Variants in FBXO25 observed in about 807,000 individuals in gnomAD.
FBXO25 encodes F-box protein 25.
A neutral mutation model predicts 51.9 loss-of-function variants in FBXO25; 45 were observed. The observed-to-expected ratio is 0.87, with a 90% CI of 0.68 to 1.11. The LOEUF is 1.11. Ranked by LOEUF, FBXO25 falls within the 50% of genes most tolerant of loss-of-function variation. FBXO25 has a pLI of 0.00. For missense variants in FBXO25, 507 were observed against 428.5 expected (o/e 1.18, Z -1.62); for synonymous variants, 199 against 151.0 (o/e 1.32, Z -2.33).
rs773183517 is a variant in FBXO25, at chr8:451,307, C to G, written c.514C>G (p.Leu172Val). Residue 172 changes from leucine to valine, a missense_variant, in exon 7 of 10, where the codon CTT becomes GTT. Physicochemically the swap from Leu to Val is conservative, Grantham distance 32 (BLOSUM62 1). Transcript: ENST00000350302. ...DHHNPRLIKDLLQDLSSTLCI... is the reference protein window; with the variant it reads ...DHHNPRLIKDVLQDLSSTLCI... Reference sequence around the variant, plus strand: ...CCACAATCCTCGCTTAATCAAAGATCTTCTGCAAGACCTAAGCTCTACCCT... The same window carrying G: ...CCACAATCCTCGCTTAATCAAAGATGTTCTGCAAGACCTAAGCTCTACCCT... 2.5e-6 allele frequency: 4 copies of G among 1,610,570 alleles called. No individual in the cohort carries two copies. The highest frequency in any genetic ancestry group is 2.2e-5 in the East Asian group (1 of 44,818).
chr8:462,661 C>A (rs553504179), intron 8 of FBXO25, among the ~76,000 whole-genome samples: 2 of 151,844 alleles, frequency 1.3e-5, no homozygotes, highest in East Asian at 3.9e-4. Flanking sequence ...AACCAAATAT[C>A]ATATGTTCTC....
At chr8:438,723 C>G (rs187121632) in intron 5 of FBXO25, among the ~76,000 whole-genome samples, 322 of 152,318 alleles carry the variant, frequency 2.1e-3, no homozygotes, top group African/African-American at 7.4e-3. Flanking sequence ...GCTTTTCTAA[C>G]TTTCAAGAAA....
intron 5 of FBXO25, among the ~76,000 whole-genome samples, chr8:438,059 CTT>C (rs1416537152): frequency 4.9e-5 from 7 of 142,642 alleles, no homozygotes; most frequent in Admixed American, 1.4e-4. Context: ...TAATGTGTAT[CTT>C]TTTTTTTTTT....
intron 2 of FBXO25, among the ~76,000 whole-genome samples, chr8:419,991 A>G (rs1433936278): frequency 6.6e-6 from 1 of 152,196 alleles, no homozygotes; most frequent in Admixed American, 6.5e-5. Flanking sequence ...ACTTGCATGG[A>G]TTGCAGAGAA....
chr8:446,716 C>G (rs1385520519), intron 5 of FBXO25, among the ~76,000 whole-genome samples: 3 of 152,312 alleles, frequency 2.0e-5, no homozygotes, highest in African/African-American at 4.8e-5. Flanking sequence ...TTGGCCTAAC[C>G]TGATCTTATC....
rs1375435454 is a variant in FBXO25 at position 470,530 on chromosome 8, C to T, written c.*1726C>T. ...AAGCAGTCAGGACCACAGGCATATACCACCATGCTCAGCTGTTTTTTTGTA... is the reference window on the plus strand; with the variant it reads ...AAGCAGTCAGGACCACAGGCATATATCACCATGCTCAGCTGTTTTTTTGTA... On this transcript the variant is annotated 3_prime_UTR_variant, in exon 10 of 10. Coordinates refer to ENST00000350302, the MANE Select transcript of FBXO25 (RefSeq NM_183420.2). 2 of 151,958 alleles carry T rather than the reference C, an allele frequency of 1.3e-5. No homozygotes were observed. Among genetic ancestry groups the T allele is most frequent in the African/African-American group, 4.8e-5 (2 of 41,354 alleles). The allele number at this position is 151,958 out of a possible 1,614,324, so 9.4% of individuals were successfully genotyped here.
chr8:473,571 A>G lies in FBXO25; in HGVS notation c.*4767A>G, dbSNP rs1280758821. On this transcript the variant is annotated 3_prime_UTR_variant, in exon 10 of 10. Transcript: ENST00000350302. ...TTTGTACTTGGTCCTCTTCCTTCCA[A>G]TCCTCACTGGCTCAAATCCACAGAG... 2.0e-5 allele frequency: 3 copies of G among 152,096 alleles called. No individual in the cohort carries two copies. The highest frequency in any genetic ancestry group is 7.2e-5 in the African/African-American group (3 of 41,388). 9.4% of individuals were successfully genotyped at this position (152,096 alleles called of 1,614,324 possible).
At chr8:446,241 T>C (rs1174226033) in intron 5 of FBXO25, among the ~76,000 whole-genome samples, 2 of 151,976 alleles carry the variant, frequency 1.3e-5, no homozygotes, top group Admixed American at 1.3e-4. Flanking sequence ...TTGGGAACCG[T>C]GGTGGTAGAA....
chr8:407,315 G>T, intron 1 of FBXO25: 1 of 953,842 alleles, frequency 1.0e-6, no homozygotes, highest in African/African-American at 1.8e-5. Flanking sequence ...CGGGGTTGTC[G>T]CGGGCGCGTC....
rs559358072 is a variant in FBXO25, at chr8:437,200, G to A, written c.381+1493G>A. On this transcript the variant is annotated intron_variant, in intron 5 of 9. Coordinates refer to ENST00000350302, the MANE Select transcript of FBXO25 (RefSeq NM_183420.2). Reference sequence around the variant, plus strand: ...CCTGTGAAATGGTAAATTTTCTGTCGGTCATTTGTCTAATACATATAAATG... The same window carrying A: ...CCTGTGAAATGGTAAATTTTCTGTCAGTCATTTGTCTAATACATATAAATG... Among the ~76,000 whole-genome samples, 5 of 152,088 alleles carry A rather than the reference G, an allele frequency of 3.3e-5. No individual in the cohort carries two copies. In the South Asian group the frequency reaches 6.2e-4, roughly 19 times the overall value.
intron 5 of FBXO25, among the ~76,000 whole-genome samples, chr8:436,607 T>A (rs889640269): frequency 6.6e-6 from 1 of 152,208 alleles, no homozygotes; most frequent in Non-Finnish European, 1.5e-5. Flanking sequence ...TCCCTGGTGT[T>A]TTCTGAGTCC....
chr8:421,005 G>A (rs1797120110), intron 2 of FBXO25, among the ~76,000 whole-genome samples: 1 of 152,200 alleles, frequency 6.6e-6, no homozygotes, highest in East Asian at 1.9e-4. Context: ...CATAATCCAG[G>A]GGTCCCCAAC....
intron 5 of FBXO25, among the ~76,000 whole-genome samples, chr8:442,818 C>T (rs12543197): frequency 6.6e-6 from 1 of 152,184 alleles, no homozygotes; most frequent in African/African-American, 2.4e-5. Context: ...TTCTAATTTC[C>T]TAAGCAAGAC....
chr8:454,147 C>T lies in FBXO25; in HGVS notation c.660+2694C>T, dbSNP rs539556334. 2.0e-5 allele frequency among the ~76,000 whole-genome samples: 3 copies of T among 152,254 alleles called. No individual in the cohort carries two copies. The South Asian group carries it at 6.2e-4, about 32-fold the overall frequency. The stretch of plus-strand genomic sequence containing the variant: ...CTCAAAAAAGAAATACCTCGACACC[C>T]CTTAAATCTAAATACTCATAGTCCC... On this transcript the variant is annotated intron_variant, in intron 7 of 9. Coordinates refer to ENST00000350302, the MANE Select transcript of FBXO25 (RefSeq NM_183420.2).
intron 5 of FBXO25, among the ~76,000 whole-genome samples, chr8:444,387 G>C (rs1408736300): frequency 1.3e-5 from 2 of 152,314 alleles, no homozygotes; most frequent in East Asian, 3.9e-4. Context: ...GTGTTCAGGA[G>C]TGGACCTCGA....
intron 7 of FBXO25, among the ~76,000 whole-genome samples, chr8:451,769 T>C (rs1356994633): frequency 1.3e-5 from 2 of 152,198 alleles, no homozygotes; most frequent in East Asian, 3.9e-4. Flanking sequence ...AAGGCTAAAT[T>C]GTGTTGCCAG....
chr8:414,134 C>T (rs1337990844), intron 2 of FBXO25, among the ~76,000 whole-genome samples: 1 of 152,152 alleles, frequency 6.6e-6, no homozygotes, highest in South Asian at 2.1e-4. Flanking sequence ...GTATTTGAAG[C>T]AGAAATTAAT....
intron 9 of FBXO25, chr8:467,582 GTT>G: frequency 1.1e-6 from 1 of 879,416 alleles, no homozygotes. Context: ...GTTACCTGAT[GTT>G]TTTAGTTATT....
chr8:447,601 T>A (rs576679584), intron 5 of FBXO25, among the ~76,000 whole-genome samples: 3 of 152,268 alleles, frequency 2.0e-5, no homozygotes, highest in Admixed American at 6.5e-5. Flanking sequence ...ACTGGAAGTG[T>A]TTTAGATTTT....
Sources: gnomAD v4.1 joint callset for allele counts (sites outside exome capture counted in the v4.1 genomes callset) on GRCh38, gnomAD v4.1.1 for gene constraint, MANE v1.5 for transcripts, NCBI Gene and HGNC (gene_info 2026-07-23, HGNC 2026-07-21) for gene names.